The following ATPAF2 variants were observed in gnomAD, a reference collection of about 807,000 sequenced individuals.
ATPAF2 encodes ATP12 homolog.
ATPAF2 carries 30 observed loss-of-function variants against 36.6 expected under a neutral mutation model. That is an observed-to-expected ratio of 0.82 (90% CI 0.61 to 1.11). The LOEUF is 1.11. Ranked by LOEUF, ATPAF2 falls within the 50% of genes most tolerant of loss-of-function variation. The probability of loss-of-function intolerance (pLI) is 0.00; values close to 1 mark genes in which losing one functional copy is unlikely to be tolerated. For missense variants in ATPAF2, 321 were observed against 372.3 expected, an observed-to-expected ratio of 0.86 and a Z score of 1.13; for synonymous variants, 140 against 152.6, an observed-to-expected ratio of 0.92 and a Z score of 0.61.
rs190149800 is a variant in ATPAF2 at position 18,034,320 on chromosome 17, G to A, written c.133+4561C>T. On this transcript the variant is annotated intron_variant, in intron 1 of 7. Coordinates refer to ENST00000474627, the MANE Select transcript of ATPAF2 (RefSeq NM_145691.4). Reference sequence around the variant, plus strand: ...CTTTGGAGGCTGAGGTGTGAGGCTCGCTTGAGCCCAGGAGGTTGAGGCTGC... The same window carrying A: ...CTTTGGAGGCTGAGGTGTGAGGCTCACTTGAGCCCAGGAGGTTGAGGCTGC... 7.9e-5 allele frequency among the ~76,000 whole-genome samples: 12 copies of A among 151,974 alleles called. No homozygotes were observed. The East Asian group carries it at 1.5e-3, about 20-fold the overall frequency.
chr17:18,018,916 G>A (rs530065906), intron 7 of ATPAF2, among the ~76,000 whole-genome samples: 2 of 152,298 alleles, frequency 1.3e-5, no homozygotes, highest in East Asian at 3.9e-4. Flanking sequence ...CAGGAAGACT[G>A]CTTGAATCCA....
chr17:18,018,988 A>AT (rs1385722258), intron 7 of ATPAF2, among the ~76,000 whole-genome samples: 23 of 152,264 alleles, frequency 1.5e-4, no homozygotes, highest in African/African-American at 5.5e-4. Context: ...AGGTTTAAAA[A>AT]TTAGCTGGGT....
At chr17:18,021,569 G>A (rs1337036881) in intron 6 of ATPAF2, 176 bp downstream of exon 6, 2 of 678,782 alleles carry the variant, frequency 2.9e-6, no homozygotes, top group Non-Finnish European at 5.3e-6. Context: ...GGAAAGGTGT[G>A]AGCCTAGAGC....
At chr17:18,032,984 G>A (rs1288204512) in intron 1 of ATPAF2, among the ~76,000 whole-genome samples, 2 of 152,074 alleles carry the variant, frequency 1.3e-5, no homozygotes, top group Non-Finnish European at 2.9e-5. Context: ...TAAGATGCTA[G>A]AGAGGGCAAT....
intron 7 of ATPAF2, among the ~76,000 whole-genome samples, chr17:18,019,453 G>A (rs950906532): frequency 1.3e-4 from 20 of 152,252 alleles, no homozygotes; most frequent in African/African-American, 4.6e-4. Context: ...GCCCCCCAGC[G>A]CCATGTGGGT....
chr17:18,019,179 A>ACACACACACAC (rs1361074114), intron 7 of ATPAF2, among the ~76,000 whole-genome samples: 1 of 150,896 alleles, frequency 6.6e-6, no homozygotes. Context: ...ACACACACAC[A>ACACACACACAC]CACACACCCC....
chr17:18,033,030 A>T (rs1342714474), intron 1 of ATPAF2, among the ~76,000 whole-genome samples: 2 of 151,982 alleles, frequency 1.3e-5, no homozygotes, highest in African/African-American at 2.4e-5. Context: ...ATCACTGCAA[A>T]GACAGCAAAG....
intron 5 of ATPAF2, among the ~76,000 whole-genome samples, chr17:18,024,248 G>A (rs999426119): frequency 6.6e-6 from 1 of 152,188 alleles, no homozygotes; most frequent in Non-Finnish European, 1.5e-5. Flanking sequence ...AGCTCAGAGA[G>A]ATCAACTCAT....
chr17:18,019,147 C>CCACACACACACACACACACACACACACA (rs138932269), intron 7 of ATPAF2, among the ~76,000 whole-genome samples: 68 of 135,652 alleles, frequency 5.0e-4, no homozygotes, highest in East Asian at 2.7e-3. Flanking sequence ...CTCAAAAACA[C>CCACACACACACACACACACACACACACA]CACACACACA....
downstream of ATPAF2, chr17:18,016,066 T>C (rs1167942389): frequency 6.2e-7 from 1 of 1,613,354 alleles, no homozygotes; most frequent in African/African-American, 1.3e-5. Flanking sequence ...CTCACCAGCT[T>C]TTTGTCGATA....
At chr17:18,024,914 T>G in intron 4 of ATPAF2, 1 of 588,402 alleles carries the variant, frequency 1.7e-6, no homozygotes, top group Non-Finnish European at 3.1e-6. Flanking sequence ...ATTCTCAGGT[T>G]GCATGCCTAC....
intron 1 of ATPAF2, among the ~76,000 whole-genome samples, chr17:18,033,558 A>C (rs1419980210): frequency 6.6e-6 from 1 of 152,090 alleles, no homozygotes. Flanking sequence ...GCTTTGTAGG[A>C]TCATGCAGAA....
chr17:18,018,564 C>A lies in ATPAF2; in HGVS notation c.855G>T (p.Lys285Asn), dbSNP rs978059523. 6.2e-7 allele frequency: 1 copy of A among 1,613,678 alleles called. No individual in the cohort carries two copies. The highest frequency in any genetic ancestry group is 1.7e-5 in the Admixed American group (1 of 60,008). The change falls in exon 8 of 8, where the codon AAG (lysine) becomes AAT (asparagine). Residue 285 changes from lysine (K) to asparagine (N), a missense_variant. Around this residue, in one of 3 missense-constraint regions of ATPAF2, gnomAD observed 199 missense variants for 220.6 expected, o/e 0.90. Coordinates refer to ENST00000474627, the MANE Select transcript of ATPAF2 (RefSeq NM_145691.4). ...LCSESTTVKH[K>N]LLKE The stretch of plus-strand genomic sequence containing the variant: ...TGCCCAGGCCTCACTCCTTCAGGAG[C>A]TTGTGCTTGACTGTGGTGCTCTCGG...
intron 4 of ATPAF2, 103 bp from the exon 5 acceptor site, chr17:18,024,807 C>T: frequency 3.2e-6 from 3 of 935,738 alleles, no homozygotes; most frequent in Non-Finnish European, 5.1e-6. Context: ...AACTTCACCA[C>T]CACCATCCCA....
At chr17:18,032,480 G>C (rs1267051518) in intron 1 of ATPAF2, among the ~76,000 whole-genome samples, 1 of 152,196 alleles carries the variant, frequency 6.6e-6, no homozygotes, top group Non-Finnish European at 1.5e-5. Context: ...ACGGCAGAAG[G>C]GCAAAAGAAG....
At chr17:18,024,818 G>C in intron 4 of ATPAF2, 114 bp from the exon 5 acceptor site, 2 of 851,784 alleles carry the variant, frequency 2.3e-6, no homozygotes. Context: ...CACCATCCCA[G>C]CCCCACAAGT....
chr17:18,021,032 T>G, intron 7 of ATPAF2, 91 bp downstream of exon 7: 3 of 1,513,798 alleles, frequency 2.0e-6, no homozygotes, highest in Non-Finnish European at 2.7e-6. Context: ...AAGCCAAGTA[T>G]GCATAACTAT....
downstream of ATPAF2, chr17:18,016,216 C>T (rs751869663): frequency 1.4e-5 from 22 of 1,608,692 alleles, no homozygotes; most frequent in Non-Finnish European, 1.8e-5. Context: ...CCCAAGCCAT[C>T]CTAGCAGGCT....
chr17:18,024,973 C>T, intron 4 of ATPAF2: 1 of 485,174 alleles, frequency 2.1e-6, no homozygotes, highest in South Asian at 2.1e-5. Context: ...TTTAACAAGC[C>T]CTCTAGGGGA....
Sources: gnomAD v4.1 joint callset for allele counts (sites outside exome capture counted in the v4.1 genomes callset) on GRCh38, gnomAD v4.1.1 for gene constraint, gnomAD v4.1.1 regional missense constraint, MANE v1.5 for transcripts, NCBI Gene and HGNC (gene_info 2026-07-23, HGNC 2026-07-21) for gene names.